Variants in PRKN observed in about 807,000 individuals in gnomAD.
The protein encoded by PRKN is parkin RBR E3 ubiquitin protein ligase.
A neutral mutation model predicts 59.5 loss-of-function variants in PRKN; 56 were observed. The observed-to-expected ratio is 0.94, with a 90% CI of 0.76 to 1.18. PRKN has a LOEUF of 1.18. PRKN is among the 50% of genes most tolerant of loss of function. The pLI, the probability that PRKN is intolerant of heterozygous loss-of-function variation, is 0.00. For missense variants in PRKN, 657 were observed against 596.4 expected (o/e 1.10, Z -1.06); for synonymous variants, 250 against 222.1 (o/e 1.13, Z -1.12).
chr6:161,607,894 A>G (rs1417940251), intron 7 of PRKN, among the ~76,000 whole-genome samples: 1 of 152,188 alleles, frequency 6.6e-6, no homozygotes, highest in Non-Finnish European at 1.5e-5. Context: ...GCTGGGGGAG[A>G]ACAGGAACAA....
intron 1 of PRKN, among the ~76,000 whole-genome samples, chr6:162,478,597 A>G (rs1163374500): frequency 2.6e-5 from 4 of 152,164 alleles, no homozygotes; most frequent in Admixed American, 2.6e-4. Context: ...AGAGATAAGT[A>G]CAGTCATGGG....
At chr6:162,020,971 T>C (rs11758840) in intron 5 of PRKN, among the ~76,000 whole-genome samples, 10,851 of 150,370 alleles carry the variant, frequency 0.072, 526 homozygotes, top group Middle Eastern at 0.14. Flanking sequence ...GGCATGGTGG[T>C]GCGCACCTGT....
At chr6:162,257,580 C>G (rs1195797892) in intron 3 of PRKN, among the ~76,000 whole-genome samples, 2 of 151,986 alleles carry the variant, frequency 1.3e-5, no homozygotes, top group Admixed American at 6.6e-5. Context: ...GTCGGTTCCT[C>G]AAGTGGTCTC....
intron 4 of PRKN, among the ~76,000 whole-genome samples, chr6:162,127,648 A>G (rs1448030068): frequency 2.6e-5 from 4 of 152,224 alleles, no homozygotes; most frequent in Admixed American, 2.6e-4. Context: ...GTCATAGGGA[A>G]AATCTGCCTT....
chr6:162,507,191 C>G (rs1793649335), intron 1 of PRKN, among the ~76,000 whole-genome samples: 1 of 152,132 alleles, frequency 6.6e-6, no homozygotes, highest in Non-Finnish European at 1.5e-5. Context: ...GATTTCTCAC[C>G]CAGAACAAGA....
At chr6:162,445,154 CACTT>C (rs1316993427) in intron 1 of PRKN, among the ~76,000 whole-genome samples, 2 of 152,198 alleles carry the variant, frequency 1.3e-5, no homozygotes, top group African/African-American at 4.8e-5. Flanking sequence ...AATAATCAGG[CACTT>C]ACTATGTGCC....
intron 3 of PRKN, among the ~76,000 whole-genome samples, chr6:162,251,603 T>C (rs528539305): frequency 6.6e-6 from 1 of 152,202 alleles, no homozygotes; most frequent in South Asian, 2.1e-4. Context: ...AAACCAAATA[T>C]TCGAAATAAA....
intron 2 of PRKN, among the ~76,000 whole-genome samples, chr6:162,321,022 G>A (rs902128677): frequency 1.3e-5 from 2 of 151,692 alleles, no homozygotes; most frequent in African/African-American, 2.4e-5. Flanking sequence ...AAACAATAAC[G>A]ATCAAGGTGA....
intron 7 of PRKN, among the ~76,000 whole-genome samples, chr6:161,701,943 C>T (rs1488926847): frequency 1.3e-5 from 2 of 152,106 alleles, no homozygotes; most frequent in Non-Finnish European, 1.5e-5. Context: ...TTTGACAAGC[C>T]GCATACACTT....
At chr6:162,495,221 A>AATTTGAGATGG (rs1793003711) in intron 1 of PRKN, among the ~76,000 whole-genome samples, 2 of 152,240 alleles carry the variant, frequency 1.3e-5, no homozygotes, top group South Asian at 4.1e-4. Flanking sequence ...TAAATATCAA[A>AATTTGAGATGG]ACCATACTTC....
chr6:162,235,985 G>GA (rs752192780), intron 3 of PRKN, among the ~76,000 whole-genome samples: 1,155 of 98,796 alleles, frequency 0.012, 20 homozygotes, highest in East Asian at 0.056. Flanking sequence ...AAGAAAGAAA[G>GA]AAAGAAAGAA....
intron 1 of PRKN, among the ~76,000 whole-genome samples, chr6:162,576,758 A>C (rs1434477417): frequency 6.9e-6 from 1 of 144,654 alleles, no homozygotes; most frequent in Non-Finnish European, 1.5e-5. Context: ...GGTTGCAGTG[A>C]GACAAGATGG....
intron 9 of PRKN, among the ~76,000 whole-genome samples, chr6:161,394,978 A>C (rs1028734058): frequency 3.9e-5 from 6 of 152,190 alleles, no homozygotes; most frequent in African/African-American, 1.4e-4. Context: ...TAAGAGCGTT[A>C]CTGAAATATC....
chr6:162,617,973 G>C (rs1782501917), intron 1 of PRKN, among the ~76,000 whole-genome samples: 1 of 152,122 alleles, frequency 6.6e-6, no homozygotes, highest in South Asian at 2.1e-4. Flanking sequence ...TTCTTCCCTA[G>C]GAACCTGAGG....
rs570932449 is a variant in PRKN, at chr6:161,359,728, T to C, written c.1285+360A>G. ...GCCGGCAGACAACAGGGTCATACGG[T>C]GCAGCCATCAGCGCTGGGGAAGGTC... On this transcript the variant is annotated intron_variant, in intron 11 of 11. Coordinates refer to ENST00000366898, the MANE Select transcript of PRKN (RefSeq NM_004562.3). This position sits in a 1 kb window ranked among gnomAD's most constrained non-coding sequence, Gnocchi z 5.4. Among the ~76,000 whole-genome samples the C allele has an allele frequency of 2.0e-5, 3 of 152,236 alleles. No individual in the cohort carries two copies. In the South Asian group the frequency reaches 6.2e-4, roughly 32 times the overall value.
intron 4 of PRKN, among the ~76,000 whole-genome samples, chr6:162,126,052 CAT>C (rs1781111011): frequency 1.3e-5 from 2 of 152,264 alleles, no homozygotes; most frequent in South Asian, 4.1e-4. Context: ...AGATCAACTC[CAT>C]ATATGATACA....
intron 7 of PRKN, among the ~76,000 whole-genome samples, chr6:161,725,755 T>C (rs1229686047): frequency 6.6e-6 from 1 of 152,056 alleles, no homozygotes; most frequent in Admixed American, 6.5e-5. Flanking sequence ...ATAAAGAAAA[T>C]TCTTTGTTTG....
intron 1 of PRKN, among the ~76,000 whole-genome samples, chr6:162,489,612 C>G (rs1302637168): frequency 6.6e-6 from 1 of 152,336 alleles, no homozygotes; most frequent in Admixed American, 6.5e-5. Context: ...ATAAACACTT[C>G]AAGCCTCAAA....
intron 2 of PRKN, among the ~76,000 whole-genome samples, chr6:162,304,892 G>C (rs1419407087): frequency 6.6e-6 from 1 of 152,102 alleles, no homozygotes; most frequent in Non-Finnish European, 1.5e-5. Flanking sequence ...CAGGTTTTTA[G>C]ATGTAATCAA....
Sources: gnomAD v4.1 joint callset for allele counts (sites outside exome capture counted in the v4.1 genomes callset) on GRCh38, gnomAD v4.1.1 for gene constraint, Gnocchi (gnomAD v3.1) non-coding constraint, MANE v1.5 for transcripts, NCBI Gene and HGNC (gene_info 2026-07-23, HGNC 2026-07-21) for gene names.